Variants in FARP2 observed in about 807,000 individuals in gnomAD.
FARP2 encodes FERM, ARH/RhoGEF and pleckstrin domain protein 2.
A neutral mutation model predicts 130.5 loss-of-function variants in FARP2; 111 were observed. That is an observed-to-expected ratio of 0.85 (90% CI 0.73 to 1.00). The LOEUF (loss-of-function observed/expected upper bound fraction) is 1.00, where lower values mean the gene tolerates loss of function less well. FARP2 is among the 50% of genes least tolerant of loss of function. The pLI, the probability that FARP2 is intolerant of heterozygous loss-of-function variation, is 0.00. For synonymous variants in FARP2, 504 were observed against 516.9 expected, an observed-to-expected ratio of 0.98 and a Z score of 0.34; for missense variants, 1,385 against 1,346.3, an observed-to-expected ratio of 1.03 and a Z score of -0.45.
intron 18 of FARP2, among the ~76,000 whole-genome samples, chr2:241,470,867 C>T (rs892680683): frequency 6.6e-6 from 1 of 150,770 alleles, no homozygotes; most frequent in Non-Finnish European, 1.5e-5. Flanking sequence ...TGAAGAGATG[C>T]TGTTCGCAGG....
chr2:241,421,054 C>T (rs1432606542), intron 8 of FARP2, among the ~76,000 whole-genome samples: 1 of 152,104 alleles, frequency 6.6e-6, no homozygotes, highest in South Asian at 2.1e-4. Context: ...GGGTTGATGG[C>T]CCACCCAAGA....
intron 13 of FARP2, among the ~76,000 whole-genome samples, chr2:241,449,041 T>G (rs1183460778): frequency 3.9e-5 from 6 of 152,240 alleles, no homozygotes; most frequent in Non-Finnish European, 7.3e-5. Context: ...CCAGATTTTG[T>G]GTAAGATCCA....
intron 2 of FARP2, among the ~76,000 whole-genome samples, chr2:241,378,593 G>A (rs554126598): frequency 6.6e-6 from 1 of 151,898 alleles, no homozygotes; most frequent in African/African-American, 2.4e-5. Context: ...TTAAATTTTT[G>A]TAGAGATGGG....
intron 8 of FARP2, among the ~76,000 whole-genome samples, chr2:241,427,126 T>C (rs2062959051): frequency 1.3e-5 from 2 of 152,154 alleles, no homozygotes; most frequent in South Asian, 4.2e-4. Context: ...TGCCAGCTAC[T>C]CAGGAGGCTG....
intron 4 of FARP2, among the ~76,000 whole-genome samples, chr2:241,406,694 GTT>G (rs2062361990): frequency 6.6e-6 from 1 of 152,224 alleles, no homozygotes; most frequent in South Asian, 2.1e-4. Context: ...AAACTCCTGG[GTT>G]CAAGTGATCC....
intron 2 of FARP2, chr2:241,395,717 G>T (rs756396848): frequency 6.6e-6 from 1 of 152,164 alleles, no homozygotes; most frequent in Non-Finnish European, 1.5e-5. Flanking sequence ...GAAGTGATTT[G>T]TTTTTTCATT....
intron 2 of FARP2, among the ~76,000 whole-genome samples, chr2:241,389,675 C>T (rs2061863684): frequency 6.6e-6 from 1 of 152,216 alleles, no homozygotes; most frequent in South Asian, 2.1e-4. Flanking sequence ...CTTTCCTTCT[C>T]TTTCTGGAGC....
chr2:241,434,188 T>C lies in FARP2; in HGVS notation c.898T>C (p.Leu300=). The part of the protein sequence containing the change: ...GPYQDTLEFL[L]GSRDECKNFW... Reference sequence around the variant, plus strand: ...TTACCAGGACACATTAGAATTTTTGTTGGGTAGTAGAGATGAATGTAAGAA... The same window carrying C: ...TTACCAGGACACATTAGAATTTTTGCTGGGTAGTAGAGATGAATGTAAGAA... Residue 300 remains leucine, a synonymous_variant, in exon 10 of 27, where the codon TTG becomes CTG. Coordinates refer to ENST00000264042, the MANE Select transcript of FARP2 (RefSeq NM_014808.4). 1 of 1,612,214 alleles carries C rather than the reference T, an allele frequency of 6.2e-7. No individual in the cohort carries two copies. The highest frequency in any genetic ancestry group is 1.3e-5 in the African/African-American group (1 of 74,934).
At chr2:241,460,141 G>C (rs926911786) in intron 14 of FARP2, among the ~76,000 whole-genome samples, 3 of 152,206 alleles carry the variant, frequency 2.0e-5, no homozygotes, top group Non-Finnish European at 4.4e-5. Context: ...CCAACAGTTT[G>C]TGGGGCATTA....
chr2:241,463,796 C>T (rs2064092640), intron 16 of FARP2, 103 bp from the exon 17 acceptor site: 19 of 1,029,230 alleles, frequency 1.8e-5, no homozygotes, highest in Non-Finnish European at 2.7e-5. Context: ...GCTTCACCAC[C>T]TTCCTCCAGC....
At chr2:241,415,298 T>C (rs1286711771) in intron 7 of FARP2, among the ~76,000 whole-genome samples, 1 of 152,122 alleles carries the variant, frequency 6.6e-6, no homozygotes, top group Non-Finnish European at 1.5e-5. Flanking sequence ...GTACAGCTGT[T>C]CTGAGTGTCA....
rs771954106 is a variant in FARP2, at chr2:241,490,028, A to G, written c.2488A>G (p.Ile830Val). The change falls in exon 22 of 27, where the codon ATC becomes GTC. Residue 830 changes from isoleucine to valine, a missense_variant. By Grantham distance (29) the Ile-to-Val change is conservative (BLOSUM62 3). Transcript: ENST00000264042. ...CACCATCTACGCGGCTCAGAAAACA[A>G]TCGTGGTGGCAGCCAGGTAAGGGTC... ...CFTIYAAQKT[I>V]VVAASTRLEK... 1.5e-5 allele frequency: 25 copies of G among 1,613,522 alleles called. No homozygotes were observed. The East Asian group carries it at 5.3e-4, about 35-fold the overall frequency.
At chr2:241,389,052 G>A (rs1575490571) in intron 2 of FARP2, among the ~76,000 whole-genome samples, 2 of 152,208 alleles carry the variant, frequency 1.3e-5, no homozygotes, top group Middle Eastern at 6.8e-3. Flanking sequence ...ATGCCAAGGT[G>A]GGCGGATCAC....
intron 5 of FARP2, among the ~76,000 whole-genome samples, chr2:241,408,563 A>ATTAACAAT (rs2062428056): frequency 6.6e-6 from 1 of 151,312 alleles, no homozygotes; most frequent in Non-Finnish European, 1.5e-5. Context: ...AAAAGAAAAT[A>ATTAACAAT]TTAACAATTG....
intron 9 of FARP2, among the ~76,000 whole-genome samples, chr2:241,432,514 C>T: frequency 6.6e-6 from 1 of 152,218 alleles, no homozygotes; most frequent in Non-Finnish European, 1.5e-5. Context: ...CTGAGAGCTT[C>T]AGAATGAACT....
In FARP2 at chr2:241,468,259, C is replaced by CT; in HGVS notation, c.2015dup (p.Leu672PhefsTer34). 6.2e-7 allele frequency: 1 copy of CT among 1,614,014 alleles called. No individual in the cohort carries two copies. Among genetic ancestry groups the CT allele is most frequent in the Non-Finnish European group, 8.5e-7 (1 of 1,179,968 alleles). ...AGTTTGAGCTGCAGAAGGTCTGCTA[C>CT]TTGCCTCTCAACACGTTCCTGCTGA... On this transcript the variant is annotated frameshift_variant, in exon 18 of 27. Transcript: ENST00000264042. LOFTEE classifies it high-confidence loss of function.
chr2:241,463,289 C>A, intron 15 of FARP2, 46 bp from the exon 16 acceptor site: 2 of 1,595,740 alleles, frequency 1.3e-6, no homozygotes, highest in South Asian at 1.1e-5. Context: ...GTTTCTCAGT[C>A]CCCAACAAGA....
intron 21 of FARP2, among the ~76,000 whole-genome samples, chr2:241,486,606 T>C (rs1412990569): frequency 6.6e-6 from 1 of 152,116 alleles, no homozygotes; most frequent in Non-Finnish European, 1.5e-5. Flanking sequence ...GACACTGGTT[T>C]TCCTTTCCTT....
At chr2:241,484,368 G>A in intron 21 of FARP2, 37 bp downstream of exon 21, 1 of 1,571,902 alleles carries the variant, frequency 6.4e-7, no homozygotes, top group Non-Finnish European at 8.8e-7. Flanking sequence ...ATTTCCACGT[G>A]GTGCTGGGCT....
Sources: gnomAD v4.1 joint callset for allele counts (sites outside exome capture counted in the v4.1 genomes callset) on GRCh38, gnomAD v4.1.1 for gene constraint, MANE v1.5 for transcripts, NCBI Gene and HGNC (gene_info 2026-07-23, HGNC 2026-07-21) for gene names.